The following DDX55 variants were observed in gnomAD, a reference collection of about 807,000 sequenced individuals.
DDX55 encodes the protein DEAD-box helicase 55.
A neutral mutation model predicts 69.2 loss-of-function variants in DDX55; 56 were observed. The ratio of observed to expected loss-of-function variants is 0.81; its 90% CI spans 0.65 to 1.01. The LOEUF is 1.01. DDX55 is among the 50% of genes least tolerant of loss of function. The probability of loss-of-function intolerance (pLI) is 0.00; values close to 1 mark genes in which losing one functional copy is unlikely to be tolerated. For missense variants in DDX55, 720 were observed against 745.1 expected (o/e 0.97, Z 0.39); for synonymous variants, 268 against 273.1 (o/e 0.98, Z 0.18).
intron 7 of DDX55, among the ~76,000 whole-genome samples, chr12:123,611,856 G>A (rs1954268245): frequency 6.6e-6 from 1 of 152,174 alleles, no homozygotes; most frequent in Non-Finnish European, 1.5e-5. Flanking sequence ...GAGAGCATGG[G>A]CGCTAGAGCA....
intron 12 of DDX55, among the ~76,000 whole-genome samples, 191 bp downstream of exon 12, chr12:123,619,028 A>T (rs1020332162): frequency 1.2e-4 from 19 of 152,232 alleles, no homozygotes; most frequent in Admixed American, 9.8e-4. Flanking sequence ...TTTGAGACAG[A>T]GTCGCGCTTT....
rs1419845150 is a variant in DDX55 at position 123,618,048 on chromosome 12, C to T, written c.1164+176C>T. The T allele has an allele frequency of 7.3e-6, 4 of 551,342 alleles. No homozygotes were observed. In the African/African-American group the frequency reaches 8.1e-5, roughly 11 times the overall value. 34.2% of individuals were successfully genotyped at this position (551,342 alleles called of 1,614,324 possible). ...TTTTTTTTTTTGAGACGGAGTTTCA[C>T]TCTTGTTGCCCAGGCTGGAGTGCAA... On this transcript the variant is annotated intron_variant, in intron 11 of 13. Coordinates refer to ENST00000238146, the MANE Select transcript of DDX55 (RefSeq NM_020936.3).
At chr12:123,607,552 C>T (rs754448851) in intron 4 of DDX55, 29 bp downstream of exon 4, 8 of 1,614,198 alleles carry the variant, frequency 5.0e-6, no homozygotes, top group Non-Finnish European at 6.8e-6. Flanking sequence ...CCCTGTTAGT[C>T]ATGGGCTGTT....
At chr12:123,616,077 C>T (rs551983428) in intron 9 of DDX55, among the ~76,000 whole-genome samples, 1 of 152,314 alleles carries the variant, frequency 6.6e-6, no homozygotes, top group Non-Finnish European at 1.5e-5. Context: ...TACCAATGAC[C>T]ATAACTTGTA....
At chr12:123,614,302 G>T (rs1954492642) in intron 8 of DDX55, among the ~76,000 whole-genome samples, 1 of 152,196 alleles carries the variant, frequency 6.6e-6, no homozygotes, top group South Asian at 2.1e-4. Context: ...GTGACTCAAG[G>T]TGGAAAAGAG....
intron 9 of DDX55, 88 bp from the exon 10 acceptor site, chr12:123,616,423 G>C (rs1954671210): frequency 1.7e-6 from 2 of 1,167,484 alleles, no homozygotes; most frequent in African/African-American, 3.0e-5. Flanking sequence ...CAGCACCTGT[G>C]TGTCACTGTC....
chr12:123,606,371 A>G (rs1413818758), intron 3 of DDX55, among the ~76,000 whole-genome samples: 3 of 151,952 alleles, frequency 2.0e-5, no homozygotes, highest in Non-Finnish European at 4.4e-5. Flanking sequence ...TCTACAAATA[A>G]TGAATGAATG....
chr12:123,613,346 G>T, intron 8 of DDX55, 94 bp downstream of exon 8: 2 of 1,218,730 alleles, frequency 1.6e-6, no homozygotes, highest in Admixed American at 4.2e-5. Context: ...ATCTAGCATG[G>T]TTCTCTCCGG....
At chr12:123,613,335 C>T in intron 8 of DDX55, 83 bp downstream of exon 8, 2 of 1,347,464 alleles carry the variant, frequency 1.5e-6, no homozygotes, top group South Asian at 1.3e-5. Flanking sequence ...TTTTGGATTC[C>T]ATCTAGCATG....
chr12:123,618,428 C>T (rs1270804609), intron 11 of DDX55: 4 of 1,161,222 alleles, frequency 3.4e-6, no homozygotes, highest in Admixed American at 1.7e-5. Context: ...AATAGAGACC[C>T]AGTGTTGCCA....
chr12:123,605,690 G>A (rs1953841949), intron 1 of DDX55: 3 of 619,682 alleles, frequency 4.8e-6, no homozygotes, highest in Middle Eastern at 4.3e-4. Context: ...GAAAGTAGGA[G>A]CGACAGGGCT....
chr12:123,609,098 T>TGCA (rs1954057947), intron 6 of DDX55, among the ~76,000 whole-genome samples: 1 of 151,840 alleles, frequency 6.6e-6, no homozygotes, highest in Non-Finnish European at 1.5e-5. Flanking sequence ...GGATTACAGG[T>TGCA]GCACACCACC....
rs1954197192 is a variant in DDX55 at position 123,610,932 on chromosome 12, ACCCTGTCACCC to A, written c.741+805_741+815del. 4.2e-5 allele frequency among the ~76,000 whole-genome samples: 5 copies of A among 118,350 alleles called. No homozygotes were observed. The East Asian group carries it at 1.3e-3, about 30-fold the overall frequency. 77.6% of individuals were successfully genotyped at this position (118,350 alleles called of 152,430 possible). A position where few individuals can be genotyped will look rare whatever the true frequency, so the allele number is the denominator to read the frequency against. On this transcript the variant is annotated intron_variant, in intron 7 of 13. Transcript: ENST00000238146. ...TTTTTTTGTTTTGAGACGGGGTCTC[ACCCTGTCACCC>A]AGGCTGGAGTGCAATGGCACGATCT...
intron 1 of DDX55, among the ~76,000 whole-genome samples, chr12:123,602,655 T>G (rs915936944): frequency 3.3e-5 from 5 of 152,222 alleles, no homozygotes; most frequent in African/African-American, 4.8e-5. Context: ...GGGAGCTCAG[T>G]AAGGGTTACC....
intron 7 of DDX55, among the ~76,000 whole-genome samples, chr12:123,612,465 G>T (rs1173376736): frequency 1.3e-5 from 2 of 152,162 alleles, no homozygotes; most frequent in Non-Finnish European, 1.5e-5. Context: ...GGACTTGATT[G>T]CATTATGAAG....
At position 123,620,606 on chromosome 12, in the gene DDX55, ATATATATATATAT is replaced by A. The variant is rs1566211142; in HGVS notation, c.*467_*479del. On this transcript the variant is annotated 3_prime_UTR_variant, in exon 14 of 14. Coordinates refer to ENST00000238146, the MANE Select transcript of DDX55 (RefSeq NM_020936.3). Reference sequence around the variant, plus strand: ...TATATATATATATATATATATATATATATATATATATATATATATATAAGCTCTTTTTTCTGAG... The same window carrying A: ...TATATATATATATATATATATATATAATATATATAAGCTCTTTTTTCTGAG... The A allele has an allele frequency of 2.9e-4, 22 of 75,910 alleles. 1 individual carries two copies. Among genetic ancestry groups the A allele is most frequent in the African/African-American group, 8.6e-4 (21 of 24,494 alleles). 4.7% of individuals were successfully genotyped at this position (75,910 alleles called of 1,614,324 possible).
At position 123,618,741 on chromosome 12, in the gene DDX55, G is replaced by C; in HGVS notation, c.1237G>C (p.Ala413Pro). The change falls in exon 12 of 14, where the codon GCT becomes CCT. Residue 413 changes from alanine (A) to proline (P), a missense_variant. By Grantham distance (27) the Ala-to-Pro change is conservative. Coordinates refer to ENST00000238146, the MANE Select transcript of DDX55 (RefSeq NM_020936.3). ...LLPKLKSMALADRAVFEKGMK... is the reference protein window; with the variant it reads ...LLPKLKSMALPDRAVFEKGMK... ...GCCAAAACTCAAGTCCATGGCCCTG[G>C]CTGACAGAGCTGTGTTTGAAAAGGG... is the stretch of plus-strand genomic sequence containing the variant. 1 of 1,614,114 alleles carries C rather than the reference G, an allele frequency of 6.2e-7. No homozygotes were observed. Among genetic ancestry groups the C allele is most frequent in the Non-Finnish European group, 8.5e-7 (1 of 1,180,014 alleles).
chr12:123,607,399 T>C (rs1566182891), intron 3 of DDX55, 33 bp from the exon 4 acceptor site: 1 of 1,611,360 alleles, frequency 6.2e-7, no homozygotes, highest in South Asian at 1.1e-5. Flanking sequence ...TCCCTTGTGC[T>C]GCTGACTGTG....
At chr12:123,602,316 G>T in intron 1 of DDX55, 60 bp downstream of exon 1, 1 of 1,433,064 alleles carries the variant, frequency 7.0e-7, no homozygotes, top group Non-Finnish European at 9.4e-7. Flanking sequence ...CCGCTGCATC[G>T]GACCCACAGG....
Sources: allele counts gnomAD v4.1 joint callset (sites outside exome capture counted in the v4.1 genomes callset), GRCh38; gene constraint gnomAD v4.1.1; transcripts MANE v1.5; gene names NCBI Gene and HGNC (gene_info 2026-07-23, HGNC 2026-07-21).